CCSER1: variants seen among roughly 807,000 people sequenced by gnomAD.
CCSER1 encodes coiled-coil serine rich protein 1.
CCSER1 carries 41 observed loss-of-function variants against 82.0 expected under a neutral mutation model. The ratio of observed to expected loss-of-function variants is 0.50; its 90% CI spans 0.39 to 0.65. The LOEUF (loss-of-function observed/expected upper bound fraction) is 0.65, where lower values mean the gene tolerates loss of function less well. Ranked by LOEUF, CCSER1 falls within the 30% of genes least tolerant of loss-of-function variation. CCSER1 has a pLI of 0.00. For synonymous variants in CCSER1, 414 were observed against 383.9 expected (o/e 1.08, Z -0.92); for missense variants, 1,119 against 1,064.2 (o/e 1.05, Z -0.72).
At chr4:90,271,854 ATATATATATTTTTTTTTTTTT>A (rs1307146678) in intron 1 of CCSER1, among the ~76,000 whole-genome samples, 386 of 25,666 alleles carry the variant, frequency 0.015, 24 homozygotes, top group African/African-American at 0.12. Flanking sequence ...ATATATATAT[ATATATATATTTTTTTTTTTTT>A]TTTTTTTTTT....
At chr4:90,370,995 G>T (rs1030135755) in intron 3 of CCSER1, among the ~76,000 whole-genome samples, 7 of 152,034 alleles carry the variant, frequency 4.6e-5, no homozygotes, top group African/African-American at 1.7e-4. Context: ...AGCTCATAAG[G>T]CTACATTTCT....
At position 91,273,028 on chromosome 4, in the gene CCSER1, T is replaced by G. The variant is rs554975440; in HGVS notation, c.2217+187034T>G. ...TAGTATAGTTTGAAATCGGGTAATGTGATGCCTCCAGATATGTTCTTTTTG... is the reference window on the plus strand; with the variant it reads ...TAGTATAGTTTGAAATCGGGTAATGGGATGCCTCCAGATATGTTCTTTTTG... On this transcript the variant is annotated intron_variant, in intron 10 of 10. Coordinates refer to ENST00000509176, the MANE Select transcript of CCSER1 (RefSeq NM_001145065.2). Among the ~76,000 whole-genome samples, 202 of 152,296 alleles carry G rather than the reference T, an allele frequency of 1.3e-3. 1 individual carries two copies. Among genetic ancestry groups the G allele is most frequent in the African/African-American group, 4.7e-3 (196 of 41,566 alleles).
intron 8 of CCSER1, among the ~76,000 whole-genome samples, chr4:90,874,549 C>T (rs1450124730): frequency 1.3e-5 from 2 of 152,118 alleles, no homozygotes; most frequent in African/African-American, 2.4e-5. Flanking sequence ...TTCCCTCCCT[C>T]CCAAGACCTT....
intron 10 of CCSER1, among the ~76,000 whole-genome samples, chr4:91,439,843 C>T (rs1456376857): frequency 6.6e-6 from 1 of 152,084 alleles, no homozygotes; most frequent in Non-Finnish European, 1.5e-5. Context: ...GACTTTAAAC[C>T]AACAAAGATC....
At chr4:91,190,150 G>C (rs1734881265) in intron 10 of CCSER1, among the ~76,000 whole-genome samples, 1 of 152,140 alleles carries the variant, frequency 6.6e-6, no homozygotes, top group Non-Finnish European at 1.5e-5. Flanking sequence ...GGTTCATGTA[G>C]AACATGTTTC....
At position 90,653,612 on chromosome 4, in the gene CCSER1, T is replaced by G. The variant is rs150511379; in HGVS notation, c.1932+25380T>G. ...TGAAATATCTTATTTTTTAACATAATTTTTATATTTCCAGTAAATTCAGCC... is the reference window on the plus strand; with the variant it reads ...TGAAATATCTTATTTTTTAACATAAGTTTTATATTTCCAGTAAATTCAGCC... On this transcript the variant is annotated intron_variant, in intron 6 of 10. Coordinates refer to ENST00000509176, the MANE Select transcript of CCSER1 (RefSeq NM_001145065.2). 6.0e-3 allele frequency among the ~76,000 whole-genome samples: 918 copies of G among 152,264 alleles called. 2 individuals carry two copies. Among genetic ancestry groups the G allele is most frequent in the Non-Finnish European group, 0.01 (714 of 68,002 alleles).
chr4:90,177,835 T>G (rs1473352144), intron 1 of CCSER1, among the ~76,000 whole-genome samples: 1 of 152,098 alleles, frequency 6.6e-6, no homozygotes, highest in Non-Finnish European at 1.5e-5. Flanking sequence ...CAGCTCTGGT[T>G]GTTTTGGGCC....
At chr4:91,044,234 G>T (rs6836457) in intron 9 of CCSER1, among the ~76,000 whole-genome samples, 9,279 of 152,150 alleles carry the variant, frequency 0.061, 349 homozygotes, top group African/African-American at 0.099. Flanking sequence ...GAGGACTCCG[G>T]GAAAGAAACA....
At chr4:90,573,472 ATCTC>A (rs764538894) in intron 5 of CCSER1, among the ~76,000 whole-genome samples, 1 of 152,230 alleles carries the variant, frequency 6.6e-6, no homozygotes, top group African/African-American at 2.4e-5. Flanking sequence ...AGTGGATATT[ATCTC>A]TCTCTATGCT....
At chr4:91,370,869 C>A (rs1365920731) in intron 10 of CCSER1, among the ~76,000 whole-genome samples, 1 of 151,862 alleles carries the variant, frequency 6.6e-6, no homozygotes, top group Non-Finnish European at 1.5e-5. Flanking sequence ...TCAAATTATA[C>A]TCTTTTAGTT....
chr4:91,293,621 C>A (rs376622426), intron 10 of CCSER1, among the ~76,000 whole-genome samples: 5 of 151,966 alleles, frequency 3.3e-5, no homozygotes, highest in African/African-American at 1.2e-4. Flanking sequence ...ATTCAATGCA[C>A]GTTTTGAAGT....
intron 10 of CCSER1, among the ~76,000 whole-genome samples, chr4:91,226,322 T>C (rs1438901362): frequency 6.6e-6 from 1 of 151,958 alleles, no homozygotes; most frequent in Admixed American, 6.6e-5. Context: ...TTTATTGGTG[T>C]TTATTACATT....
chr4:90,958,940 T>C (rs1383611970), intron 9 of CCSER1, among the ~76,000 whole-genome samples: 1 of 152,178 alleles, frequency 6.6e-6, no homozygotes, highest in African/African-American at 2.4e-5. Flanking sequence ...TTCAAAAAGT[T>C]AAAAACAGGA....
chr4:90,207,321 A>G (rs1039829306), intron 1 of CCSER1, among the ~76,000 whole-genome samples: 7 of 152,108 alleles, frequency 4.6e-5, no homozygotes, highest in African/African-American at 1.7e-4. Flanking sequence ...TGAAATTCTC[A>G]TGCTGTGTTT....
In CCSER1 at chr4:90,819,593, C is replaced by T. The variant is rs181863507; in HGVS notation, c.2094+3748C>T. Among the ~76,000 whole-genome samples the T allele has an allele frequency of 4.7e-3, 714 of 151,994 alleles. 5 individuals are homozygous for T. The highest frequency in any genetic ancestry group is 0.016 in the African/African-American group (678 of 41,452). On this transcript the variant is annotated intron_variant, in intron 8 of 10. Coordinates refer to ENST00000509176, the MANE Select transcript of CCSER1 (RefSeq NM_001145065.2). ...ACTGAGAAACTGAAAATAATAATTT[C>T]GATTTAGGATTATATATTGATATTA...
chr4:90,540,154 T>C (rs1775926793), intron 5 of CCSER1, among the ~76,000 whole-genome samples: 1 of 152,136 alleles, frequency 6.6e-6, no homozygotes, highest in African/African-American at 2.4e-5. Flanking sequence ...CTACCCTGTT[T>C]ACAGTTTTTG....
At chr4:90,607,972 T>A (rs1373704923) in intron 5 of CCSER1, among the ~76,000 whole-genome samples, 1 of 152,242 alleles carries the variant, frequency 6.6e-6, no homozygotes, top group Non-Finnish European at 1.5e-5. Flanking sequence ...GTGTATTCTA[T>A]ATCCTGTGTG....
intron 5 of CCSER1, among the ~76,000 whole-genome samples, chr4:90,544,503 G>A (rs1371514597): frequency 1.3e-5 from 2 of 152,100 alleles, no homozygotes; most frequent in African/African-American, 2.4e-5. Flanking sequence ...CTGCAACCCT[G>A]CATGATAATA....
At chr4:91,392,122 A>G (rs911304433) in intron 10 of CCSER1, among the ~76,000 whole-genome samples, 2 of 152,116 alleles carry the variant, frequency 1.3e-5, no homozygotes, top group African/African-American at 4.8e-5. Flanking sequence ...CTAGGAATGA[A>G]CTAATTTTTC....
Sources: allele counts gnomAD v4.1 joint callset (sites outside exome capture counted in the v4.1 genomes callset), GRCh38; gene constraint gnomAD v4.1.1; transcripts MANE v1.5; gene names NCBI Gene and HGNC (gene_info 2026-07-23, HGNC 2026-07-21).